The following CTDSPL variants were observed in gnomAD, a reference collection of about 807,000 sequenced individuals.
The protein encoded by CTDSPL is CTD small phosphatase like, also known as CTD small phosphatase-like protein.
In CTDSPL, 8 loss-of-function variants were observed where a neutral mutation model predicts 30.5. That is an observed-to-expected ratio of 0.26 (90% CI 0.15 to 0.47). The LOEUF is 0.47. CTDSPL is among the 20% of genes least tolerant of loss of function. The probability of loss-of-function intolerance (pLI) is 0.99; values close to 1 mark genes in which losing one functional copy is unlikely to be tolerated. For missense variants in CTDSPL, 248 were observed against 366.1 expected (o/e 0.68, Z 2.63); for synonymous variants, 110 against 137.9 (o/e 0.80, Z 1.42).
At chr3:37,929,963 C>T (rs1698831937) in intron 1 of CTDSPL, among the ~76,000 whole-genome samples, 1 of 151,980 alleles carries the variant, frequency 6.6e-6, no homozygotes, top group Non-Finnish European at 1.5e-5. Flanking sequence ...CAAAAATTAG[C>T]TGGGCATGGT....
chr3:37,872,343 T>A (rs1177576165), intron 1 of CTDSPL, among the ~76,000 whole-genome samples: 2 of 151,994 alleles, frequency 1.3e-5, no homozygotes, highest in African/African-American at 4.8e-5. Flanking sequence ...TTTCATTCAG[T>A]TCGGGAAGTC....
At chr3:37,864,404 A>G (rs1039264228) in intron 1 of CTDSPL, among the ~76,000 whole-genome samples, 28 of 152,054 alleles carry the variant, frequency 1.8e-4, no homozygotes, top group African/African-American at 6.0e-4. Flanking sequence ...TTTCATGACA[A>G]TCTTTTATTA....
chr3:37,927,680 ATG>A (rs1304302514), intron 1 of CTDSPL, among the ~76,000 whole-genome samples: 3,576 of 79,284 alleles, frequency 0.045, 80 homozygotes, highest in Middle Eastern at 0.066. Context: ...GTGTGTGTGT[ATG>A]TGTATATATA....
intron 1 of CTDSPL, among the ~76,000 whole-genome samples, chr3:37,941,667 G>A (rs1202035062): frequency 6.7e-6 from 1 of 150,266 alleles, no homozygotes; most frequent in Non-Finnish European, 1.5e-5. Context: ...TGGGATACAG[G>A]AATGAGCCAC....
chr3:37,982,494 G>T lies in CTDSPL; in HGVS notation c.*1627G>T, dbSNP rs1318926752. Reference sequence around the variant, plus strand: ...GTCTTCAGCCAGCATTCTGGTGGGAGTGACTGGCATTAACAAGACTGGAAA... The same window carrying T: ...GTCTTCAGCCAGCATTCTGGTGGGATTGACTGGCATTAACAAGACTGGAAA... On this transcript the variant is annotated 3_prime_UTR_variant, in exon 8 of 8. Transcript: ENST00000273179. 8.8e-6 allele frequency: 4 copies of T among 455,616 alleles called. No homozygotes were observed. In the Admixed American group the frequency reaches 9.4e-5, roughly 11 times the overall value. 28.2% of individuals were successfully genotyped at this position (455,616 alleles called of 1,614,324 possible).
intron 1 of CTDSPL, among the ~76,000 whole-genome samples, chr3:37,921,429 C>G (rs1234797751): frequency 6.6e-6 from 1 of 152,196 alleles, no homozygotes; most frequent in Non-Finnish European, 1.5e-5. Context: ...CATGTCATAG[C>G]CATCTTCAAC....
intron 6 of CTDSPL, among the ~76,000 whole-genome samples, chr3:37,971,777 A>G (rs1281485793): frequency 6.6e-6 from 1 of 152,230 alleles, no homozygotes; most frequent in Admixed American, 6.5e-5. Context: ...AGAGAATCAC[A>G]AACAGGTCCA....
rs1575328332 is a variant in CTDSPL, at chr3:37,980,846, G to A, written c.810G>A (p.Leu270=). ...GGGAGGACGACGTGTACAGCATGCT[G>A]CACAGACTCTGCAATAGGTAGCCCT... The part of the protein sequence containing the change: ...LSREDDVYSM[L]HRLCNR The change falls in exon 8 of 8, where the codon CTG becomes CTA. Residue 270 remains leucine (L), a synonymous_variant. Transcript: ENST00000273179. The A allele has an allele frequency of 6.2e-7, 1 of 1,614,100 alleles. No homozygotes were observed. The highest frequency in any genetic ancestry group is 8.5e-7 in the Non-Finnish European group (1 of 1,180,008).
intron 1 of CTDSPL, among the ~76,000 whole-genome samples, chr3:37,909,356 A>G (rs765630026): frequency 7.2e-5 from 11 of 152,242 alleles, no homozygotes; most frequent in African/African-American, 1.9e-4. Context: ...CAGATGCCCA[A>G]TAAACCTGGG....
intron 1 of CTDSPL, among the ~76,000 whole-genome samples, chr3:37,910,567 G>A (rs906205619): frequency 4.6e-5 from 7 of 152,138 alleles, no homozygotes; most frequent in Admixed American, 3.3e-4. Context: ...TCATGGTAAA[G>A]GTAATTTGGT....
At chr3:37,978,315 A>G (rs897376126) in intron 7 of CTDSPL, among the ~76,000 whole-genome samples, 2 of 152,222 alleles carry the variant, frequency 1.3e-5, no homozygotes, top group Non-Finnish European at 2.9e-5. Context: ...CAAGTCTTTG[A>G]TATAGGTTGA....
chr3:37,960,523 TATATATATATATAC>T (rs1376079418), intron 3 of CTDSPL, among the ~76,000 whole-genome samples: 5 of 59,668 alleles, frequency 8.4e-5, no homozygotes, highest in African/African-American at 3.5e-4. Flanking sequence ...TATATATATA[TATATATATATATAC>T]ACACACACAC....
chr3:37,965,279 A>C (rs1699287137), intron 4 of CTDSPL, among the ~76,000 whole-genome samples: 1 of 152,208 alleles, frequency 6.6e-6, no homozygotes, highest in African/African-American at 2.4e-5. Context: ...TGTGGAGGTC[A>C]GACACTCTTC....
At chr3:37,961,448 T>A (rs1699244110) in intron 3 of CTDSPL, among the ~76,000 whole-genome samples, 1 of 151,996 alleles carries the variant, frequency 6.6e-6, no homozygotes, top group Non-Finnish European at 1.5e-5. Context: ...GTGTCCTGAG[T>A]CCTACCGATC....
At chr3:37,939,657 C>A (rs968410819) in intron 1 of CTDSPL, among the ~76,000 whole-genome samples, 1 of 150,306 alleles carries the variant, frequency 6.7e-6, no homozygotes, top group Non-Finnish European at 1.5e-5. Flanking sequence ...TGTCATTACT[C>A]CTATCTCATA....
chr3:37,866,517 T>TA (rs1193304781), intron 1 of CTDSPL, among the ~76,000 whole-genome samples: 1 of 152,056 alleles, frequency 6.6e-6, no homozygotes, highest in Non-Finnish European at 1.5e-5. Context: ...ATTTTTTAAC[T>TA]AAAAAAAGAA....
chr3:37,935,505 T>TA (rs35745697), intron 1 of CTDSPL, among the ~76,000 whole-genome samples: 10,242 of 152,258 alleles, frequency 0.067, 633 homozygotes, highest in African/African-American at 0.16. Flanking sequence ...TCTAGACTCA[T>TA]ACAAATCTGG....
At chr3:37,959,980 G>A (rs1442149507) in intron 3 of CTDSPL, among the ~76,000 whole-genome samples, 1 of 152,168 alleles carries the variant, frequency 6.6e-6, no homozygotes, top group Non-Finnish European at 1.5e-5. Context: ...GAGGAGGGCA[G>A]ATGGCTTCAG....
intron 1 of CTDSPL, among the ~76,000 whole-genome samples, chr3:37,917,771 A>G (rs902374500): frequency 1.3e-5 from 2 of 152,246 alleles, no homozygotes; most frequent in African/African-American, 4.8e-5. Context: ...TAATTTGAGT[A>G]TCCAGGCACT....
Sources: allele counts gnomAD v4.1 joint callset (sites outside exome capture counted in the v4.1 genomes callset), GRCh38; gene constraint gnomAD v4.1.1; transcripts MANE v1.5; gene names NCBI Gene and HGNC (gene_info 2026-07-23, HGNC 2026-07-21).